EFCAB5: variants seen among roughly 807,000 people sequenced by gnomAD.
EFCAB5 encodes EF-hand calcium-binding domain-containing protein 5.
EFCAB5 carries 131 observed loss-of-function variants against 167.9 expected under a neutral mutation model. The ratio of observed to expected loss-of-function variants is 0.78; its 90% CI spans 0.68 to 0.90. The LOEUF is 0.90. EFCAB5 is among the 40% of genes least tolerant of loss of function. The pLI, the probability that EFCAB5 is intolerant of heterozygous loss-of-function variation, is 0.00. For synonymous variants in EFCAB5, 574 were observed against 602.8 expected, an observed-to-expected ratio of 0.95 and a Z score of 0.70; for missense variants, 1,663 against 1,745.2, an observed-to-expected ratio of 0.95 and a Z score of 0.84.
chr17:30,038,920 C>T (rs573280091), intron 8 of EFCAB5, among the ~76,000 whole-genome samples: 8 of 152,248 alleles, frequency 5.3e-5, no homozygotes, highest in South Asian at 2.1e-4. Context: ...GGCGCCCCAC[C>T]GCCTCTTGTG....
intron 14 of EFCAB5, among the ~76,000 whole-genome samples, chr17:30,068,106 C>G (rs2070626114): frequency 6.6e-6 from 1 of 152,136 alleles, no homozygotes; most frequent in Admixed American, 6.6e-5. Flanking sequence ...GAGATCAAGA[C>G]CATCCTGGCT....
At chr17:30,084,653 C>T (rs2071052124) in intron 18 of EFCAB5, among the ~76,000 whole-genome samples, 1 of 152,180 alleles carries the variant, frequency 6.6e-6, no homozygotes, top group African/African-American at 2.4e-5. Flanking sequence ...ACTCAACGAT[C>T]ATAACTTCCT....
intron 3 of EFCAB5, among the ~76,000 whole-genome samples, chr17:29,962,624 A>G (rs1355141090): frequency 4.8e-5 from 6 of 126,134 alleles, no homozygotes; most frequent in African/African-American, 1.8e-4. Context: ...ACGTGCCACC[A>G]TGCCTGGCTT....
At chr17:30,059,423 T>C in intron 13 of EFCAB5, 122 bp from the exon 14 acceptor site, 1 of 1,103,102 alleles carries the variant, frequency 9.1e-7, no homozygotes, top group South Asian at 2.1e-5. Flanking sequence ...AATATCATGC[T>C]TAGCCTCAAA....
At chr17:29,970,425 A>G (rs2067923460) in intron 4 of EFCAB5, among the ~76,000 whole-genome samples, 1 of 151,748 alleles carries the variant, frequency 6.6e-6, no homozygotes, top group African/African-American at 2.4e-5. Flanking sequence ...TTGTTTGTTT[A>G]CTTTTTTTAT....
At chr17:30,043,173 C>T (rs9891871) in intron 8 of EFCAB5, among the ~76,000 whole-genome samples, 92,364 of 151,910 alleles carry the variant, frequency 0.61, 29,946 homozygotes, top group African/African-American at 0.84. Flanking sequence ...AAAACAAAAT[C>T]ATATAGCTGT....
intron 3 of EFCAB5, among the ~76,000 whole-genome samples, chr17:29,951,185 C>T (rs1382057607): frequency 9.2e-5 from 14 of 152,128 alleles, no homozygotes; most frequent in Admixed American, 9.2e-4. Context: ...TAAATACTAT[C>T]CACTGTTAGA....
intron 7 of EFCAB5, among the ~76,000 whole-genome samples, chr17:30,021,510 A>G (rs1231192332): frequency 6.7e-6 from 1 of 149,276 alleles, no homozygotes; most frequent in Non-Finnish European, 1.5e-5. Context: ...GGAGTGATAT[A>G]CATTATTTAT....
At chr17:30,060,216 C>CA (rs571512847) in intron 14 of EFCAB5, among the ~76,000 whole-genome samples, 5 of 147,498 alleles carry the variant, frequency 3.4e-5, no homozygotes, top group Non-Finnish European at 7.5e-5. Context: ...ATAATAATAA[C>CA]AAAAAAAATA....
At position 30,053,178 on chromosome 17, in the gene EFCAB5, C is replaced by G. The variant is rs187806166; in HGVS notation, c.1301-77C>G. 81 of 1,476,730 alleles carry G rather than the reference C, an allele frequency of 5.5e-5. No homozygotes were observed. In the South Asian group the frequency reaches 1.0e-3, roughly 19 times the overall value. The allele number at this position is 1,476,730 out of a possible 1,614,324, so 91.5% of individuals were successfully genotyped here. A position where few individuals can be genotyped will look rare whatever the true frequency, so the allele number is the denominator to read the frequency against. The stretch of plus-strand genomic sequence containing the variant: ...TACAATTTCTGTGCTCAATGCTTTT[C>G]TTTGCATTAATTTAATAGCTCTAAT... On this transcript the variant is annotated intron_variant, in intron 9 of 22. Transcript: ENST00000394835.
intron 7 of EFCAB5, among the ~76,000 whole-genome samples, chr17:30,020,991 G>A (rs1198536658): frequency 6.6e-6 from 1 of 151,770 alleles, no homozygotes; most frequent in Non-Finnish European, 1.5e-5. Context: ...GAGCCAAGAT[G>A]TCTCAGATAA....
At chr17:29,951,520 T>TA (rs939720472) in intron 3 of EFCAB5, among the ~76,000 whole-genome samples, 28 of 148,752 alleles carry the variant, frequency 1.9e-4, no homozygotes, top group African/African-American at 5.7e-4. Flanking sequence ...TGTATTTTTT[T>TA]TTTTATTTTT....
At chr17:29,986,512 C>T (rs2068284522) in intron 4 of EFCAB5, among the ~76,000 whole-genome samples, 1 of 152,154 alleles carries the variant, frequency 6.6e-6, no homozygotes, top group Non-Finnish European at 1.5e-5. Context: ...CGTTGTGCAG[C>T]ACCTCTCTGC....
upstream of EFCAB5, among the ~76,000 whole-genome samples, chr17:29,940,998 C>T (rs1322755407): frequency 6.6e-6 from 1 of 151,644 alleles, no homozygotes; most frequent in African/African-American, 2.4e-5. Context: ...CGAGATTGCA[C>T]CACTGTACTC....
chr17:29,978,718 A>T (rs2068110073), intron 4 of EFCAB5, among the ~76,000 whole-genome samples: 1 of 152,092 alleles, frequency 6.6e-6, no homozygotes, highest in Non-Finnish European at 1.5e-5. Context: ...TGAAGTAGAA[A>T]CTCCTAAGAC....
intron 20 of EFCAB5, 125 bp downstream of exon 20, chr17:30,090,799 A>G: frequency 2.2e-6 from 3 of 1,352,602 alleles, no homozygotes; most frequent in Non-Finnish European, 3.0e-6. Flanking sequence ...TTTTCATATA[A>G]AAGGAATTCC....
At chr17:30,081,668 C>A (rs1309168062) in intron 17 of EFCAB5, among the ~76,000 whole-genome samples, 1 of 152,170 alleles carries the variant, frequency 6.6e-6, no homozygotes, top group African/African-American at 2.4e-5. Context: ...TCATTTGTTG[C>A]CCTGTAAGCC....
At chr17:30,100,092 A>T (rs893074470) in intron 22 of EFCAB5, among the ~76,000 whole-genome samples, 1 of 152,156 alleles carries the variant, frequency 6.6e-6, no homozygotes. Context: ...GGTTGGTTCT[A>T]GGCTTTCTCC....
At chr17:30,010,083 T>G (rs868066217) in intron 7 of EFCAB5, among the ~76,000 whole-genome samples, 4 of 152,310 alleles carry the variant, frequency 2.6e-5, no homozygotes, top group African/African-American at 9.6e-5. Flanking sequence ...TGTGATAGTT[T>G]GCTCAGAATG....
Sources: gnomAD v4.1 joint callset for allele counts (sites outside exome capture counted in the v4.1 genomes callset) on GRCh38, gnomAD v4.1.1 for gene constraint, MANE v1.5 for transcripts, NCBI Gene and HGNC (gene_info 2026-07-23, HGNC 2026-07-21) for gene names.